Variants in ARAP1 observed in about 807,000 individuals in gnomAD.
The protein encoded by ARAP1 is ArfGAP with RhoGAP domain, ankyrin repeat and PH domain 1, also known as arf-GAP with Rho-GAP domain, ANK repeat and PH domain-containing protein 1.
A neutral mutation model predicts 172.2 loss-of-function variants in ARAP1; 76 were observed. The observed-to-expected ratio is 0.44, with a 90% CI of 0.37 to 0.53. ARAP1 has a LOEUF of 0.53. Among genes scored for constraint, ARAP1 ranks in the 20% least tolerant of loss-of-function variants. The pLI, the probability that ARAP1 is intolerant of heterozygous loss-of-function variation, is 0.00. For missense variants in ARAP1, 1,686 were observed against 1,977.5 expected (o/e 0.85, Z 2.80); for synonymous variants, 804 against 803.3 (o/e 1.00, Z -0.01).
rs1856735511 is a variant in ARAP1, at chr11:72,705,880, A to G, written c.1734T>C (p.Arg578=). ...CCTTGGAGACGCCAGCGCCCAGGCC[A>G]CGGTGCTCCCCTGTAGACACAGGGC... ...VICKRCAGEH[R]GLGAGVSKVR... The change falls in exon 13 of 35, where the codon CGT becomes CGC. Residue 578 remains arginine (R), a synonymous_variant. Coordinates refer to ENST00000393609, the MANE Select transcript of ARAP1 (RefSeq NM_001040118.3). 6.2e-7 allele frequency: 1 copy of G among 1,614,082 alleles called. No individual in the cohort carries two copies. The highest frequency in any genetic ancestry group is 8.5e-7 in the Non-Finnish European group (1 of 1,179,942).
At chr11:72,748,388 C>T (rs898008621) in intron 1 of ARAP1, among the ~76,000 whole-genome samples, 2 of 151,974 alleles carry the variant, frequency 1.3e-5, no homozygotes, top group South Asian at 2.1e-4. Flanking sequence ...GGTATGGTGG[C>T]GCGTGCCTGT....
rs1857665937 is a variant in ARAP1 at position 72,725,643 on chromosome 11, C to G, written c.509+977G>C. On this transcript the variant is annotated intron_variant, in intron 3 of 34. Coordinates refer to ENST00000393609, the MANE Select transcript of ARAP1 (RefSeq NM_001040118.3). The surrounding 1 kb of genome is among the most constrained non-coding windows in gnomAD (Gnocchi z 4.3). ...CAAGGCCCCCTGAGTATGTCCTTGGCATGGATCCAGCCAGGGCCCCCTCCC... is the reference window on the plus strand; with the variant it reads ...CAAGGCCCCCTGAGTATGTCCTTGGGATGGATCCAGCCAGGGCCCCCTCCC... Among the ~76,000 whole-genome samples, 1 of 151,942 alleles carries G rather than the reference C, an allele frequency of 6.6e-6. No homozygotes were observed. The highest frequency in any genetic ancestry group is 2.4e-5 in the African/African-American group (1 of 41,382).
rs754612983 is a variant in ARAP1, at chr11:72,704,338, TG to T, written c.1810-5del. Reference sequence around the variant, plus strand: ...CATTCCCCAGCTGTAAGAAGAGCTGTGGGGGTGTGCAGGAGGTCAGACGGGC... The same window carrying T: ...CATTCCCCAGCTGTAAGAAGAGCTGTGGGGTGTGCAGGAGGTCAGACGGGC... On this transcript the variant is annotated splice_region_variant and splice_polypyrimidine_tract_variant and intron_variant, in intron 13 of 34. Transcript: ENST00000393609. The T allele has an allele frequency of 3.4e-5, 54 of 1,569,124 alleles. No homozygotes were observed. The highest frequency in any genetic ancestry group is 2.6e-6 in the Non-Finnish European group (3 of 1,157,942).
intron 2 of ARAP1, among the ~76,000 whole-genome samples, chr11:72,727,607 C>A (rs541236992): frequency 6.6e-6 from 1 of 152,312 alleles, no homozygotes; most frequent in South Asian, 2.1e-4. Flanking sequence ...AGGGCCAGGC[C>A]AAGGGCTTAG....
intron 1 of ARAP1, among the ~76,000 whole-genome samples, chr11:72,736,781 TC>T (rs1306024548): frequency 5.9e-5 from 9 of 152,146 alleles, no homozygotes; most frequent in Non-Finnish European, 2.9e-5. Flanking sequence ...CACTCCTTGG[TC>T]TGTCATTCAA....
Position 72,741,505 on chromosome 11 carries a change from AGGGGCTG to A in ARAP1, c.-127-8915_-127-8909del. 6.6e-6 allele frequency among the ~76,000 whole-genome samples: 1 copy of A among 152,190 alleles called. No individual in the cohort carries two copies. Among genetic ancestry groups the A allele is most frequent in the Admixed American group, 6.5e-5 (1 of 15,288 alleles). ...GCCCTCAGGCACAGACACACTCTACAGGGGCTGGGGACTTCCTGTGGCAACTCCTCCC... is the reference window on the plus strand; with the variant it reads ...GCCCTCAGGCACAGACACACTCTACAGGGACTTCCTGTGGCAACTCCTCCC... On this transcript the variant is annotated intron_variant, in intron 1 of 34. Coordinates refer to ENST00000393609, the MANE Select transcript of ARAP1 (RefSeq NM_001040118.3). The surrounding 1 kb of genome is among the most constrained non-coding windows in gnomAD (Gnocchi z 4.5).
At chr11:72,701,277 TTTCTTCTG>T (rs1856472618) in intron 16 of ARAP1, among the ~76,000 whole-genome samples, 1 of 152,024 alleles carries the variant, frequency 6.6e-6, no homozygotes, top group Non-Finnish European at 1.5e-5. Context: ...TCTTGTGGAT[TTTCTTCTG>T]AGTTGGGGAG....
chr11:72,713,657 C>T (rs542447799), intron 4 of ARAP1, among the ~76,000 whole-genome samples: 5 of 152,116 alleles, frequency 3.3e-5, no homozygotes, highest in African/African-American at 4.8e-5. Context: ...ACCATCCTGG[C>T]TAACACGGTG....
chr11:72,686,767 C>T (rs1220024034), intron 33 of ARAP1, among the ~76,000 whole-genome samples: 1 of 152,190 alleles, frequency 6.6e-6, no homozygotes, highest in African/African-American at 2.4e-5. Flanking sequence ...CTGGGTTCTA[C>T]CCTCGGTCCC....
At position 72,696,540 on chromosome 11, in the gene ARAP1, G is replaced by A. The variant is rs765604014; in HGVS notation, c.3272+9C>T. The A allele has an allele frequency of 5.6e-5, 86 of 1,527,828 alleles. No homozygotes were observed. Among genetic ancestry groups the A allele is most frequent in the Non-Finnish European group, 7.1e-5 (81 of 1,133,154 alleles). 94.6% of individuals were successfully genotyped at this position (1,527,828 alleles called of 1,614,324 possible). On this transcript the variant is annotated intron_variant, in intron 23 of 34. Coordinates refer to ENST00000393609, the MANE Select transcript of ARAP1 (RefSeq NM_001040118.3). ...CCCCCCAGAATCTCACAATGGTATCGTCCCTCACCAGTACAGGTGGCTGAT... is the reference window on the plus strand; with the variant it reads ...CCCCCCAGAATCTCACAATGGTATCATCCCTCACCAGTACAGGTGGCTGAT...
chr11:72,704,025 T>G, intron 14 of ARAP1, 127 bp downstream of exon 14: 1 of 1,297,700 alleles, frequency 7.7e-7, no homozygotes, highest in Non-Finnish European at 1.1e-6. Context: ...CCTCCAAACA[T>G]CAGTTTCCCC....
chr11:72,693,804 C>T lies in ARAP1; in HGVS notation c.3696G>A (p.Glu1232=). ...CCTTCTCCGCAAAGTGCAGGGGGCG[C>T]TCTGGGGAGAGGTCACACCTACCGT... ...CFEVNEREEA[E]RPLHFAEKVL... Residue 1232 remains glutamate, a splice_region_variant and synonymous_variant, in exon 28 of 35, where the codon GAG becomes GAA. Coordinates refer to ENST00000393609, the MANE Select transcript of ARAP1 (RefSeq NM_001040118.3). The surrounding 1 kb of genome is among the most constrained non-coding windows in gnomAD (Gnocchi z 4.6). 1 of 1,596,382 alleles carries T rather than the reference C, an allele frequency of 6.3e-7. No individual in the cohort carries two copies. The highest frequency in any genetic ancestry group is 8.5e-7 in the Non-Finnish European group (1 of 1,172,236).
intron 16 of ARAP1, 31 bp downstream of exon 16, chr11:72,701,618 G>A (rs750075298): frequency 6.2e-7 from 1 of 1,601,030 alleles, no homozygotes; most frequent in South Asian, 1.1e-5. Context: ...CAGATGCCAT[G>A]GGCTAAAGCA....
intron 2 of ARAP1, among the ~76,000 whole-genome samples, chr11:72,731,151 AAG>A (rs1857855033): frequency 6.6e-6 from 1 of 152,210 alleles, no homozygotes; most frequent in African/African-American, 2.4e-5. Flanking sequence ...CTAAGGCCTG[AAG>A]GGACAGGAGG....
rs889506574 is a variant in ARAP1 at position 72,710,837 on chromosome 11, G to A, written c.1213+184C>T. 1.3e-5 allele frequency among the ~76,000 whole-genome samples: 2 copies of A among 152,226 alleles called. No individual in the cohort carries two copies. The highest frequency in any genetic ancestry group is 2.9e-5 in the Non-Finnish European group (2 of 68,046). On this transcript the variant is annotated intron_variant, in intron 9 of 34. Coordinates refer to ENST00000393609, the MANE Select transcript of ARAP1 (RefSeq NM_001040118.3). This position sits in a 1 kb window ranked among gnomAD's most constrained non-coding sequence, Gnocchi z 4.3. ...GTGGTTCTGAGGAGTCAGTGACCGT[G>A]CCAAGCACAGAGCCGGTCACAGAGG...
chr11:72,700,325 A>C (rs1856422527), intron 16 of ARAP1: 1 of 152,468 alleles, frequency 6.6e-6, no homozygotes, highest in Non-Finnish European at 1.5e-5. Context: ...TTCCAAAGAA[A>C]TCTCTTTGGG....
chr11:72,685,860 A>C (rs754342824), intron 34 of ARAP1, 179 bp from the exon 35 acceptor site: 29 of 1,357,006 alleles, frequency 2.1e-5, no homozygotes, highest in Non-Finnish European at 2.9e-5. Context: ...AGGGCCAGGC[A>C]GAAGGGGCTC....
intron 1 of ARAP1, among the ~76,000 whole-genome samples, chr11:72,751,728 GC>G (rs1415394505): frequency 6.6e-6 from 1 of 151,680 alleles, no homozygotes; most frequent in Non-Finnish European, 1.5e-5. Flanking sequence ...CTCCCCGCCG[GC>G]CCTGCACCAA....
Position 72,703,044 on chromosome 11 carries a change from A to T in ARAP1, c.2028T>A (p.Ala676=). 1 of 1,598,662 alleles carries T rather than the reference A, an allele frequency of 6.3e-7. No individual in the cohort carries two copies. The highest frequency in any genetic ancestry group is 8.5e-7 in the Non-Finnish European group (1 of 1,173,970). Reference sequence around the variant, plus strand: ...CACAGCCCAGGAGCGCCTGGGTCTCAGCCAGGTCTGTGGTGGTGACTGCAG... The same window carrying T: ...CACAGCCCAGGAGCGCCTGGGTCTCTGCCAGGTCTGTGGTGGTGACTGCAG... ...LCAAVTTTDL[A]ETQALLGCGA... is the part of the protein sequence containing the mutation. Residue 676 remains alanine (A), a synonymous_variant, in exon 15 of 35, where the codon GCT becomes GCA. Transcript: ENST00000393609.
Sources: allele counts gnomAD v4.1 joint callset (sites outside exome capture counted in the v4.1 genomes callset), GRCh38; gene constraint gnomAD v4.1.1; non-coding constraint Gnocchi (gnomAD v3.1); transcripts MANE v1.5; gene names NCBI Gene and HGNC (gene_info 2026-07-23, HGNC 2026-07-21).